Variants in FAM222B observed in about 807,000 individuals in gnomAD.
FAM222B encodes protein FAM222B.
Under a neutral mutation model 38.0 loss-of-function variants are expected in FAM222B, and 12 were observed. The ratio of observed to expected loss-of-function variants is 0.32; its 90% CI spans 0.20 to 0.51. The LOEUF (loss-of-function observed/expected upper bound fraction) is 0.51. Ranked by LOEUF, FAM222B falls within the 20% of genes least tolerant of loss-of-function variation. The pLI is 0.97. For missense variants in FAM222B, 716 were observed against 754.2 expected (o/e 0.95, Z 0.59); for synonymous variants, 329 against 317.2 (o/e 1.04, Z -0.40).
chr17:28,805,619 C>T (rs1431942008), intron 1 of FAM222B, among the ~76,000 whole-genome samples: 2 of 151,338 alleles, frequency 1.3e-5, no homozygotes, highest in Non-Finnish European at 2.9e-5. Flanking sequence ...ACACTATATT[C>T]GAACCTGGAT....
In FAM222B at chr17:28,760,171, G is replaced by A. The variant is rs140820891; in HGVS notation, c.83-295C>T. The stretch of plus-strand genomic sequence containing the variant: ...CTATCATCATTTACATTTTATAAAT[G>A]AGGTAAGTAGAGATCAGAACAGCAA... On this transcript the variant is annotated intron_variant, in intron 2 of 2. Coordinates refer to ENST00000581407, the MANE Select transcript of FAM222B (RefSeq NM_001077498.3). Among the ~76,000 whole-genome samples the A allele has an allele frequency of 6.7e-3, 1,028 of 152,326 alleles. 7 individuals are homozygous for A. Among genetic ancestry groups the A allele is most frequent in the Non-Finnish European group, 0.012 (841 of 68,032 alleles).
intron 1 of FAM222B, among the ~76,000 whole-genome samples, chr17:28,827,780 C>G (rs571444752): frequency 6.6e-6 from 1 of 152,288 alleles, no homozygotes; most frequent in African/African-American, 2.4e-5. Flanking sequence ...AATCAAGCAT[C>G]TGCTATGTAT....
chr17:28,836,594 C>T (rs1439857361), intron 1 of FAM222B, among the ~76,000 whole-genome samples: 1 of 151,988 alleles, frequency 6.6e-6, no homozygotes, highest in Non-Finnish European at 1.5e-5. Flanking sequence ...GTGAGAGGGT[C>T]GTGATCGATT....
At chr17:28,844,220 C>G (rs1036505958), upstream of FAM222B, among the ~76,000 whole-genome samples, 25 of 152,156 alleles carry the variant, frequency 1.6e-4, no homozygotes, top group African/African-American at 6.0e-4. Context: ...AAACTCTCTC[C>G]TCATCACCAT....
intron 2 of FAM222B, among the ~76,000 whole-genome samples, chr17:28,762,451 C>CCCTG (rs2151767061): frequency 6.7e-6 from 1 of 149,712 alleles, no homozygotes; most frequent in African/African-American, 2.5e-5. Context: ...CATGGTGAAA[C>CCCTG]CCTGTCTCTA....
At chr17:28,770,731 C>T (rs1380427926) in intron 1 of FAM222B, among the ~76,000 whole-genome samples, 3 of 152,020 alleles carry the variant, frequency 2.0e-5, no homozygotes, top group African/African-American at 7.2e-5. Flanking sequence ...CCATCATGCC[C>T]GGCTAATTTT....
chr17:28,832,480 C>T (rs2038701521), intron 1 of FAM222B, among the ~76,000 whole-genome samples: 1 of 152,196 alleles, frequency 6.6e-6, no homozygotes, highest in African/African-American at 2.4e-5. Context: ...CCTCTGCTGC[C>T]AATGATCTTC....
At chr17:28,765,005 C>G (rs1160395238) in intron 2 of FAM222B, among the ~76,000 whole-genome samples, 2 of 152,110 alleles carry the variant, frequency 1.3e-5, no homozygotes, top group Non-Finnish European at 2.9e-5. Context: ...TTTGGATGAC[C>G]AGAGAGTATA....
chr17:28,771,489 G>A (rs980171234), intron 1 of FAM222B, among the ~76,000 whole-genome samples: 1 of 151,988 alleles, frequency 6.6e-6, no homozygotes, highest in African/African-American at 2.4e-5. Flanking sequence ...AGACCAGCCT[G>A]GCCAACATAG....
intron 1 of FAM222B, chr17:28,812,570 C>G (rs2151928940): frequency 6.5e-6 from 1 of 152,766 alleles, no homozygotes; most frequent in African/African-American, 2.4e-5. Context: ...AAACAGCCAA[C>G]TGGGGAGGCC....
intron 1 of FAM222B, among the ~76,000 whole-genome samples, chr17:28,842,330 G>A (rs2039071145): frequency 6.6e-6 from 1 of 152,046 alleles, no homozygotes; most frequent in African/African-American, 2.4e-5. Flanking sequence ...TGGTTCAGAG[G>A]TGGCTTCTTA....
chr17:28,836,863 G>A (rs2038862186), intron 1 of FAM222B, among the ~76,000 whole-genome samples: 1 of 152,030 alleles, frequency 6.6e-6, no homozygotes, highest in African/African-American at 2.4e-5. Context: ...CCCATATTGG[G>A]CATAAGAGGG....
chr17:28,817,264 T>G (rs1376245121), intron 1 of FAM222B, among the ~76,000 whole-genome samples: 1 of 150,668 alleles, frequency 6.6e-6, no homozygotes, highest in African/African-American at 2.4e-5. Context: ...AATACAAAAA[T>G]TAGCCGGGCG....
At chr17:28,775,984 G>A (rs1948720929) in intron 1 of FAM222B, among the ~76,000 whole-genome samples, 1 of 151,612 alleles carries the variant, frequency 6.6e-6, no homozygotes, top group South Asian at 2.1e-4. Context: ...GCTGAGGCAC[G>A]AGAGTCGTTT....
rs191363225 is a variant in FAM222B, at chr17:28,795,635, T to A, written c.-40-28928A>T. Among the ~76,000 whole-genome samples, 9 of 152,238 alleles carry A rather than the reference T, an allele frequency of 5.9e-5. No homozygotes were observed. In the East Asian group the frequency reaches 1.7e-3, roughly 29 times the overall value. On this transcript the variant is annotated intron_variant, in intron 1 of 2. Coordinates refer to ENST00000581407, the MANE Select transcript of FAM222B (RefSeq NM_001077498.3). ...TTTGTAGAGAAGGAGTTTCACCATG[T>A]TTCCCAGGCTGGTCTCAAACTCCTG... is the stretch of plus-strand genomic sequence containing the variant.
chr17:28,779,468 C>CA (rs2036062313), intron 1 of FAM222B, among the ~76,000 whole-genome samples: 3 of 152,074 alleles, frequency 2.0e-5, no homozygotes, highest in Admixed American at 2.0e-4. Flanking sequence ...AAGCATCTGA[C>CA]AGGCCGGGCG....
chr17:28,766,530 A>C, intron 2 of FAM222B, 56 bp downstream of exon 2: 1 of 1,469,416 alleles, frequency 6.8e-7, no homozygotes, highest in African/African-American at 1.4e-5. Context: ...GGACGGCCCA[A>C]ATGTAGAGAC....
chr17:28,779,506 C>T (rs1202478450), intron 1 of FAM222B, among the ~76,000 whole-genome samples: 1 of 152,066 alleles, frequency 6.6e-6, no homozygotes, highest in African/African-American at 2.4e-5. Context: ...AATCCCAGCA[C>T]TTTGGGAGGC....
Position 28,775,062 on chromosome 17 carries a change from G to A in FAM222B, c.-40-8355C>T, listed in dbSNP as rs1428192938. On this transcript the variant is annotated intron_variant, in intron 1 of 2. Coordinates refer to ENST00000581407, the MANE Select transcript of FAM222B (RefSeq NM_001077498.3). Reference sequence around the variant, plus strand: ...GTTGCCCCGGCTGGAGTGCAGTGGCGCGATCTCAGGTCACTACAACCTCTG... The same window carrying A: ...GTTGCCCCGGCTGGAGTGCAGTGGCACGATCTCAGGTCACTACAACCTCTG... 5.6e-5 allele frequency among the ~76,000 whole-genome samples: 8 copies of A among 142,198 alleles called. No individual in the cohort carries two copies. The East Asian group carries it at 6.3e-4, about 11-fold the overall frequency. The allele number at this position is 142,198 out of a possible 152,430, so 93.3% of individuals were successfully genotyped here.
Sources: allele counts gnomAD v4.1 joint callset (sites outside exome capture counted in the v4.1 genomes callset), GRCh38; gene constraint gnomAD v4.1.1; transcripts MANE v1.5; gene names NCBI Gene and HGNC (gene_info 2026-07-23, HGNC 2026-07-21).